The following MYCBP2 variants were observed in gnomAD, a reference collection of about 807,000 sequenced individuals.
The protein encoded by MYCBP2 is E3 ubiquitin-protein ligase MYCBP2.
Under a neutral mutation model 525.3 loss-of-function variants are expected in MYCBP2, and 120 were observed. That is an observed-to-expected ratio of 0.23 (90% CI 0.20 to 0.27). MYCBP2 has a LOEUF of 0.27. MYCBP2 is among the 10% of genes least tolerant of loss of function. The pLI, the probability that MYCBP2 is intolerant of heterozygous loss-of-function variation, is 1.00. For synonymous variants in MYCBP2, 1,894 were observed against 1,955.8 expected, an observed-to-expected ratio of 0.97 and a Z score of 0.83; for missense variants, 4,149 against 5,657.1, an observed-to-expected ratio of 0.73 and a Z score of 8.55.
At position 77,233,277 on chromosome 13, in the gene MYCBP2, T is replaced by G; in HGVS notation, c.2630-14A>C. On this transcript the variant is annotated splice_polypyrimidine_tract_variant and intron_variant, in intron 17 of 82. Transcript: ENST00000544440. ...ATACAAGGGGGCCTGAGGAGAAACA[T>G]TTTGTATGTGCATAGAAAAACTCAC... The G allele has an allele frequency of 6.3e-7, 1 of 1,584,102 alleles. No individual in the cohort carries two copies. Among genetic ancestry groups the G allele is most frequent in the Admixed American group, 1.7e-5 (1 of 59,562 alleles).
At position 77,098,526 on chromosome 13, in the gene MYCBP2, A is replaced by C. The variant is rs2046574657; in HGVS notation, c.8628T>G (p.Leu2876=). The change falls in exon 56 of 83, where the codon CTT becomes CTG. Residue 2876 remains leucine (L), a synonymous_variant. Transcript: ENST00000544440. The part of the protein sequence containing the change: ...RERSKSDSYT[L]DPDTLRKKKM... ...TCTTCTTGCGGAGGGTATCTGGATCAAGTGTGTAAGAGTCTGATTTAGAAC... is the reference window on the plus strand; with the variant it reads ...TCTTCTTGCGGAGGGTATCTGGATCCAGTGTGTAAGAGTCTGATTTAGAAC... 1 of 1,613,728 alleles carries C rather than the reference A, an allele frequency of 6.2e-7. No homozygotes were observed. The highest frequency in any genetic ancestry group is 8.5e-7 in the Non-Finnish European group (1 of 1,179,808).
At chr13:77,050,391 C>T (rs781732183) in intron 82 of MYCBP2, among the ~76,000 whole-genome samples, 6 of 152,164 alleles carry the variant, frequency 3.9e-5, no homozygotes, top group Non-Finnish European at 7.3e-5. Flanking sequence ...ACCTCTCCTT[C>T]CACTTCTCTC....
intron 49 of MYCBP2, among the ~76,000 whole-genome samples, chr13:77,143,570 A>G (rs1371818442): frequency 4.6e-5 from 7 of 152,150 alleles, no homozygotes; most frequent in Non-Finnish European, 1.0e-4. Flanking sequence ...TCCAGCTTGC[A>G]GGTGTGGCCC....
chr13:77,243,964 A>AC lies in MYCBP2; in HGVS notation c.2382-14dup. Reference sequence around the variant, plus strand: ...ACAACCACAGATCCTAGGGGGAAATACAAAAAAAAAAAAAAAAGACAACTG... The same window carrying AC: ...ACAACCACAGATCCTAGGGGGAAATACCAAAAAAAAAAAAAAAAGACAACTG... On this transcript the variant is annotated splice_polypyrimidine_tract_variant and intron_variant, in intron 15 of 82. Coordinates refer to ENST00000544440, the MANE Select transcript of MYCBP2 (RefSeq NM_015057.5). 1.4e-6 allele frequency: 2 copies of AC among 1,405,148 alleles called. No individual in the cohort carries two copies. The highest frequency in any genetic ancestry group is 3.7e-5 in the African/African-American group (2 of 53,924). The allele number at this position is 1,405,148 out of a possible 1,614,324, so 87.0% of individuals were successfully genotyped here. A position where few individuals can be genotyped will look rare whatever the true frequency, so the allele number is the denominator to read the frequency against.
chr13:77,290,059 G>A (rs1190953094), intron 2 of MYCBP2, among the ~76,000 whole-genome samples: 1 of 152,028 alleles, frequency 6.6e-6, no homozygotes, highest in Non-Finnish European at 1.5e-5. Context: ...TAACAAATGG[G>A]CAAAAGATAG....
chr13:77,152,997 G>A (rs1260978751), intron 46 of MYCBP2, among the ~76,000 whole-genome samples: 1 of 150,748 alleles, frequency 6.6e-6, no homozygotes, highest in Admixed American at 6.6e-5. Flanking sequence ...CCCAGGAAGC[G>A]GAGCTTGCAG....
At chr13:77,155,439 T>C (rs2057092054) in intron 46 of MYCBP2, among the ~76,000 whole-genome samples, 1 of 152,110 alleles carries the variant, frequency 6.6e-6, no homozygotes, top group African/African-American at 2.4e-5. Context: ...TTCAATATAA[T>C]TTTTTCAGAA....
chr13:77,160,489 T>A (rs1022187018), intron 44 of MYCBP2, among the ~76,000 whole-genome samples: 4 of 152,350 alleles, frequency 2.6e-5, no homozygotes, highest in Non-Finnish European at 5.9e-5. Flanking sequence ...ATAAGTAAAA[T>A]GTAAAGCACT....
At chr13:77,139,362 G>A (rs2054234969) in intron 51 of MYCBP2, 26 bp from the exon 52 acceptor site, 1 of 1,602,046 alleles carries the variant, frequency 6.2e-7, no homozygotes, top group South Asian at 1.1e-5. Flanking sequence ...ACAGAAACAA[G>A]CCAGGCCTTC....
intron 21 of MYCBP2, 91 bp from the exon 22 acceptor site, chr13:77,212,251 T>A: frequency 9.3e-7 from 1 of 1,079,266 alleles, no homozygotes; most frequent in Non-Finnish European, 1.3e-6. Context: ...AAAATCAATC[T>A]ATGAAACCTT....
At chr13:77,132,425 C>T (rs1169788324) in intron 52 of MYCBP2, among the ~76,000 whole-genome samples, 1 of 152,074 alleles carries the variant, frequency 6.6e-6, no homozygotes, top group African/African-American at 2.4e-5. Context: ...ACAAATGATA[C>T]TTTCTCTTCA....
In MYCBP2 at chr13:77,326,895, A is replaced by G. The variant is rs1263084092; in HGVS notation, c.-120T>C. On this transcript the variant is annotated 5_prime_UTR_variant, in exon 1 of 83. Coordinates refer to ENST00000544440, the MANE Select transcript of MYCBP2 (RefSeq NM_015057.5). This position sits in a 1 kb window ranked among gnomAD's most constrained non-coding sequence, Gnocchi z 4.2. The stretch of plus-strand genomic sequence containing the variant: ...TCCGGCGGCGGCCTCTGGCTCCCGC[A>G]GCAGGGAGACTACAAAGACAGCGAC... The G allele has an allele frequency of 2.1e-6, 2 of 947,868 alleles. No individual in the cohort carries two copies. The highest frequency in any genetic ancestry group is 8.5e-5 in the Admixed American group (2 of 23,596). The allele number at this position is 947,868 out of a possible 1,614,324, so 58.7% of individuals were successfully genotyped here. A position where few individuals can be genotyped will look rare whatever the true frequency, so the allele number is the denominator to read the frequency against.
In MYCBP2 at chr13:77,326,535, A is replaced by G; in HGVS notation, c.241T>C (p.Tyr81His). 6.3e-7 allele frequency: 1 copy of G among 1,598,936 alleles called. No individual in the cohort carries two copies. The highest frequency in any genetic ancestry group is 8.5e-7 in the Non-Finnish European group (1 of 1,173,150). ...RALADRYRRI[Y>H]TAALNDRDQG... ...TCCCTGTCATTGAGCGCAGCGGTAT[A>G]AATCCTCCGGTAGCGGTCGGCCAGG... The change falls in exon 1 of 83, where the codon TAT becomes CAT. Residue 81 changes from tyrosine (Y) to histidine (H), a missense_variant. By Grantham distance (83) the Tyr-to-His change is moderately conservative. Around this residue, in one of 21 missense-constraint regions of MYCBP2, gnomAD observed 413 missense variants for 451.2 expected, o/e 0.92. Coordinates refer to ENST00000544440, the MANE Select transcript of MYCBP2 (RefSeq NM_015057.5). The surrounding 1 kb of genome is among the most constrained non-coding windows in gnomAD (Gnocchi z 4.2).
intron 40 of MYCBP2, among the ~76,000 whole-genome samples, chr13:77,167,010 CACACACACACACACA>C (rs1566780942): frequency 3.1e-4 from 47 of 151,018 alleles, no homozygotes; most frequent in African/African-American, 1.1e-3. Flanking sequence ...CACACACACA[CACACACACACACACA>C]CCAAATGAAA....
chr13:77,055,741 T>C lies in MYCBP2; in HGVS notation c.13464A>G (p.Lys4488=), dbSNP rs745630614. The C allele has an allele frequency of 4.3e-6, 7 of 1,613,038 alleles. No individual in the cohort carries two copies. Among genetic ancestry groups the C allele is most frequent in the Non-Finnish European group, 5.1e-6 (6 of 1,179,478 alleles). ...GTTCTTTTATTGGATCAAGTAGGTC[T>C]TTTAGTACTATGTGATTAATTTTGT... ...CKNKINHIVL[K]DLLDPIKELY... Residue 4488 remains lysine (K), a synonymous_variant, in exon 80 of 83, where the codon AAA becomes AAG. Transcript: ENST00000544440.
At position 77,263,561 on chromosome 13, in the gene MYCBP2, G is replaced by GCGGA. The variant is rs1594453563; in HGVS notation, c.1570+89_1570+90insTCCG. 7.3e-6 allele frequency: 8 copies of GCGGA among 1,101,730 alleles called. No individual in the cohort carries two copies. The East Asian group carries it at 2.0e-4, about 28-fold the overall frequency. The allele number at this position is 1,101,730 out of a possible 1,614,324, so 68.2% of individuals were successfully genotyped here. A position where few individuals can be genotyped will look rare whatever the true frequency, so the allele number is the denominator to read the frequency against. ...ACACAAAATAGCTGCTACAACATAA[G>GCGGA]CTGAACTGGTGAAAACACAATGTTC... On this transcript the variant is annotated intron_variant, in intron 10 of 82. Coordinates refer to ENST00000544440, the MANE Select transcript of MYCBP2 (RefSeq NM_015057.5).
intron 30 of MYCBP2, among the ~76,000 whole-genome samples, chr13:77,186,570 T>C (rs930470957): frequency 6.6e-5 from 10 of 152,158 alleles, no homozygotes; most frequent in Non-Finnish European, 1.3e-4. Flanking sequence ...CAATTTTTGA[T>C]AAATACATTA....
At chr13:77,076,232 A>G (rs2042268575) in intron 68 of MYCBP2, 1 of 152,268 alleles carries the variant, frequency 6.6e-6, no homozygotes, top group East Asian at 1.9e-4. Context: ...GACAAATTAG[A>G]CATGGACTTG....
At chr13:77,270,104 A>G (rs760913469) in intron 6 of MYCBP2, 41 bp from the exon 7 acceptor site, 37 of 1,536,550 alleles carry the variant, frequency 2.4e-5, no homozygotes, top group Non-Finnish European at 3.2e-5. Flanking sequence ...TGGTTTCATA[A>G]TTAATAATCA....
Sources: gnomAD v4.1 joint callset for allele counts (sites outside exome capture counted in the v4.1 genomes callset) on GRCh38, gnomAD v4.1.1 for gene constraint, gnomAD v4.1.1 regional missense constraint, Gnocchi (gnomAD v3.1) non-coding constraint, MANE v1.5 for transcripts, NCBI Gene and HGNC (gene_info 2026-07-23, HGNC 2026-07-21) for gene names.